Variants in NLGN2 observed in about 807,000 individuals in gnomAD.
NLGN2 encodes neuroligin 2.
In NLGN2, 11 loss-of-function variants were observed where a neutral mutation model predicts 48.6. The ratio of observed to expected loss-of-function variants is 0.23; its 90% confidence interval spans 0.14 to 0.37. The LOEUF is 0.37. NLGN2 is among the 10% of genes least tolerant of loss of function. NLGN2 has a pLI of 1.00. For missense variants in NLGN2, 801 were observed against 1,225.2 expected (o/e 0.65, Z 5.17); for synonymous variants, 548 against 550.0 (o/e 1.00, Z 0.05).
rs753203366 is a variant in NLGN2 at position 7,416,110 on chromosome 17, G to A, written c.1634+3G>A. The A allele has an allele frequency of 3.3e-6, 5 of 1,525,592 alleles. No individual in the cohort carries two copies. In the African/African-American group the frequency reaches 4.1e-5, roughly 13 times the overall value. The allele number at this position is 1,525,592 out of a possible 1,614,324, so 94.5% of individuals were successfully genotyped here. A position where few individuals can be genotyped will look rare whatever the true frequency, so the allele number is the denominator to read the frequency against. Reference sequence around the variant, plus strand: ...TGGACCAACTTCGCCAAGACTGGGTGAGGGCCAGAGGGGCTGGGCGGGGCT... The same window carrying A: ...TGGACCAACTTCGCCAAGACTGGGTAAGGGCCAGAGGGGCTGGGCGGGGCT... On this transcript the variant is annotated splice_donor_region_variant and intron_variant, in intron 6 of 6. Transcript: ENST00000302926.
chr17:7,414,360 G>A lies in NLGN2; in HGVS notation c.525G>A (p.Gly175=), dbSNP rs775285637. The A allele has an allele frequency of 3.1e-6, 5 of 1,614,160 alleles. No individual in the cohort carries two copies. The highest frequency in any genetic ancestry group is 4.2e-6 in the Non-Finnish European group (5 of 1,180,010). ...NPPDTDIRDP[G]KKPVMLFLHG... is the part of the protein sequence containing the mutation. ...CCCACACAGATATCCGTGACCCTGGGAAGAAGCCTGTGATGCTGTTTCTCC... is the reference window on the plus strand; with the variant it reads ...CCCACACAGATATCCGTGACCCTGGAAAGAAGCCTGTGATGCTGTTTCTCC... Residue 175 remains glycine, a synonymous_variant, in exon 3 of 7, where the codon GGG becomes GGA. Transcript: ENST00000302926.
Position 7,417,491 on chromosome 17 carries a change from C to G in NLGN2, c.2200C>G (p.Arg734Gly), listed in dbSNP as rs761975258. ...GGGPLLPAAG[R>G]ELPPEEELVS... ...GGGCCCCCTGCTCCCCGCCGCGGGC[C>G]GTGAGCTGCCACCAGAGGAGGAGCT... The change falls in exon 7 of 7, where the codon CGT (arginine) becomes GGT (glycine). Residue 734 changes from arginine to glycine, a missense_variant. Around this residue, in one of 5 missense-constraint regions of NLGN2, gnomAD observed 276 missense variants for 313.9 expected, o/e 0.88. Transcript: ENST00000302926. 3 of 1,525,836 alleles carry G rather than the reference C, an allele frequency of 2.0e-6. No homozygotes were observed. Among genetic ancestry groups the G allele is most frequent in the African/African-American group, 1.4e-5 (1 of 71,442 alleles). The allele number at this position is 1,525,836 out of a possible 1,614,324, so 94.5% of individuals were successfully genotyped here. A position where few individuals can be genotyped will look rare whatever the true frequency, so the allele number is the denominator to read the frequency against.
rs574218657 is a variant in NLGN2 at position 7,411,415 on chromosome 17, C to T, written c.458-742C>T. The stretch of plus-strand genomic sequence containing the variant: ...GACCCCCTTCCCTGCTTTGCCCACA[C>T]TGGGGAGCTGGGGTGAGAAGCCAGG... On this transcript the variant is annotated intron_variant, in intron 1 of 6. Coordinates refer to ENST00000302926, the MANE Select transcript of NLGN2 (RefSeq NM_020795.4). This position sits in a 1 kb window ranked among gnomAD's most constrained non-coding sequence, Gnocchi z 4.5. 9.2e-5 allele frequency among the ~76,000 whole-genome samples: 14 copies of T among 152,296 alleles called. No individual in the cohort carries two copies. Among genetic ancestry groups the T allele is most frequent in the Non-Finnish European group, 1.9e-4 (13 of 68,034 alleles).
In NLGN2 at chr17:7,407,871, T is replaced by C. The variant is rs1567658845; in HGVS notation, c.-385T>C. 6.3e-6 allele frequency: 1 copy of C among 159,522 alleles called. No individual in the cohort carries two copies. Among genetic ancestry groups the C allele is most frequent in the African/African-American group, 2.4e-5 (1 of 41,652 alleles). The allele number at this position is 159,522 out of a possible 1,614,324, so 9.9% of individuals were successfully genotyped here. On this transcript the variant is annotated 5_prime_UTR_variant, in exon 1 of 7. Transcript: ENST00000302926. ...CAACTTGGTCTGAATTCCAGGTCAC[T>C]AACCACTTGTCTCTTCTGTTTCCCC...
In NLGN2 at chr17:7,411,888, C is replaced by G. The variant is rs540111502; in HGVS notation, c.458-269C>G. ...TAAGACAGGCCTCAGCCCACTCAGG[C>G]ACCCCACCCCCCCAAAACCAGCCTT... is the stretch of plus-strand genomic sequence containing the variant. On this transcript the variant is annotated intron_variant, in intron 1 of 6. Coordinates refer to ENST00000302926, the MANE Select transcript of NLGN2 (RefSeq NM_020795.4). The surrounding 1 kb of genome is among the most constrained non-coding windows in gnomAD (Gnocchi z 4.5). 3.3e-5 allele frequency among the ~76,000 whole-genome samples: 5 copies of G among 152,206 alleles called. No individual in the cohort carries two copies. Among genetic ancestry groups the G allele is most frequent in the African/African-American group, 1.2e-4 (5 of 41,530 alleles).
In NLGN2 at chr17:7,414,832, C is replaced by T. The variant is rs1266287034; in HGVS notation, c.828C>T (p.Leu276=). The T allele has an allele frequency of 8.1e-6, 13 of 1,614,196 alleles. No homozygotes were observed. The highest frequency in any genetic ancestry group is 1.1e-5 in the South Asian group (1 of 91,082). The change falls in exon 4 of 7, where the codon CTC becomes CTT. Residue 276 remains leucine, a synonymous_variant. Coordinates refer to ENST00000302926, the MANE Select transcript of NLGN2 (RefSeq NM_020795.4). ...AGASCVNLLI[L]SHHSEGLFQK... is the part of the protein sequence containing the mutation. ...CCTCCTGCGTCAACCTTCTGATCCT[C>T]TCCCACCATTCAGAAGGTACCAGCA...
chr17:7,408,696 C>G lies in NLGN2; in HGVS notation c.441C>G (p.Tyr147Ter). 1 of 1,613,128 alleles carries G rather than the reference C, an allele frequency of 6.2e-7. No individual in the cohort carries two copies. The highest frequency in any genetic ancestry group is 8.5e-7 in the Non-Finnish European group (1 of 1,179,776). ...AGGACTGCCTGTACCTCAACCTCTA[C>G]GTGCCCACCGAGGACGGTAAGGGCG... The part of the protein sequence containing the change: ...QSEDCLYLNL[Y>*]VPTEDGPLTK... The change falls in exon 1 of 7, where the codon TAC becomes TAG. Residue 147 changes from tyrosine to a stop codon, truncating the protein, a stop_gained. Coordinates refer to ENST00000302926, the MANE Select transcript of NLGN2 (RefSeq NM_020795.4). LOFTEE classifies it high-confidence loss of function. The surrounding 1 kb of genome is among the most constrained non-coding windows in gnomAD (Gnocchi z 7.5).
intron 1 of NLGN2, among the ~76,000 whole-genome samples, chr17:7,409,741 T>G (rs1159357754): frequency 6.6e-6 from 1 of 152,070 alleles, no homozygotes; most frequent in Non-Finnish European, 1.5e-5. Flanking sequence ...CCACGGCATG[T>G]GCTCAAGTCC....
At chr17:7,407,278 A>G (rs557733673), upstream of NLGN2, among the ~76,000 whole-genome samples, 4 of 152,222 alleles carry the variant, frequency 2.6e-5, no homozygotes, top group East Asian at 7.7e-4. Flanking sequence ...CTGCAGGATC[A>G]CGCATCTGTC....
chr17:7,409,854 A>G (rs1737210083), intron 1 of NLGN2, among the ~76,000 whole-genome samples: 1 of 152,148 alleles, frequency 6.6e-6, no homozygotes, highest in Non-Finnish European at 1.5e-5. Context: ...AATTCCCAGT[A>G]CTTTCATATC....
Position 7,408,076 on chromosome 17 carries a change from G to T in NLGN2, c.-180G>T. 2.7e-6 allele frequency: 1 copy of T among 374,998 alleles called. No individual in the cohort carries two copies. Among genetic ancestry groups the T allele is most frequent in the African/African-American group, 2.2e-5 (1 of 46,178 alleles). The allele number at this position is 374,998 out of a possible 1,614,324, so 23.2% of individuals were successfully genotyped here. On this transcript the variant is annotated 5_prime_UTR_variant, in exon 1 of 7. Transcript: ENST00000302926. This position sits in a 1 kb window ranked among gnomAD's most constrained non-coding sequence, Gnocchi z 7.5. ...CCCCACCCCGTGCCCCCTCCATGGAGAGGAACAGACCCCTTCTCTGTCCAG... is the reference window on the plus strand; with the variant it reads ...CCCCACCCCGTGCCCCCTCCATGGATAGGAACAGACCCCTTCTCTGTCCAG...
At chr17:7,410,545 T>A (rs1906839754) in intron 1 of NLGN2, among the ~76,000 whole-genome samples, 2 of 151,976 alleles carry the variant, frequency 1.3e-5, no homozygotes, top group South Asian at 4.2e-4. Flanking sequence ...CAGCACTCCC[T>A]ACTCTCACAC....
In NLGN2 at chr17:7,408,589, G is replaced by C. The variant is rs1264101304; in HGVS notation, c.334G>C (p.Gly112Arg). The change falls in exon 1 of 7, where the codon GGG becomes CGG. Residue 112 changes from glycine (G) to arginine (R), a missense_variant. Around this residue, in one of 5 missense-constraint regions of NLGN2, gnomAD observed 164 missense variants for 186.2 expected, o/e 0.88. Transcript: ENST00000302926. The surrounding 1 kb of genome is among the most constrained non-coding windows in gnomAD (Gnocchi z 7.5). The stretch of plus-strand genomic sequence containing the variant: ...GCCCGCCTGCCCGCAGAACCTGCAC[G>C]GGGCGCTGCCCGCCATCATGCTGCC... Reference protein sequence around the residue: ...LPPACPQNLHGALPAIMLPVW... With the variant: ...LPPACPQNLHRALPAIMLPVW... 3.8e-6 allele frequency: 6 copies of C among 1,574,964 alleles called. No individual in the cohort carries two copies. The highest frequency in any genetic ancestry group is 2.7e-5 in the African/African-American group (2 of 73,784).
rs1906715167 is a variant in NLGN2 at position 7,408,047 on chromosome 17, C to G, written c.-209C>G. On this transcript the variant is annotated 5_prime_UTR_variant, in exon 1 of 7. Transcript: ENST00000302926. The surrounding 1 kb of genome is among the most constrained non-coding windows in gnomAD (Gnocchi z 7.5). ...CCTTCACCTTCTCCCATTTCCTTCC[C>G]CTTCCCCACCCCGTGCCCCCTCCAT... is the stretch of plus-strand genomic sequence containing the variant. 1 of 352,928 alleles carries G rather than the reference C, an allele frequency of 2.8e-6. No homozygotes were observed. The highest frequency in any genetic ancestry group is 4.8e-5 in the Admixed American group (1 of 20,634). The allele number at this position is 352,928 out of a possible 1,614,324, so 21.9% of individuals were successfully genotyped here.
rs1358118573 is a variant in NLGN2, at chr17:7,417,662, C to T, written c.2371C>T (p.Leu791=). The T allele has an allele frequency of 7.2e-7, 1 of 1,393,208 alleles. No individual in the cohort carries two copies. 86.3% of individuals were successfully genotyped at this position (1,393,208 alleles called of 1,614,324 possible). Residue 791 remains leucine, a synonymous_variant, in exon 7 of 7, where the codon CTG becomes TTG. Coordinates refer to ENST00000302926, the MANE Select transcript of NLGN2 (RefSeq NM_020795.4). Reference sequence around the variant, plus strand: ...CTTGGCCCCCGGGGCCCTGACCCTGCTGCCCAGTGGCCTGGGGCCACCGCC... The same window carrying T: ...CTTGGCCCCCGGGGCCCTGACCCTGTTGCCCAGTGGCCTGGGGCCACCGCC... ...PLLAPGALTL[L]PSGLGPPPPP...
At position 7,414,330 on chromosome 17, in the gene NLGN2, CCCT is replaced by C; in HGVS notation, c.509-11_509-9del. On this transcript the variant is annotated splice_polypyrimidine_tract_variant and intron_variant, in intron 2 of 6. Coordinates refer to ENST00000302926, the MANE Select transcript of NLGN2 (RefSeq NM_020795.4). ...CTGACCCCCTGGCCCACCTGCCCAC[CCCT>C]CCCCACACAGATATCCGTGACCCTG... is the stretch of plus-strand genomic sequence containing the variant. The C allele has an allele frequency of 6.2e-7, 1 of 1,609,938 alleles. No individual in the cohort carries two copies. The highest frequency in any genetic ancestry group is 8.5e-7 in the Non-Finnish European group (1 of 1,176,688).
intron 5 of NLGN2, 115 bp from the exon 6 acceptor site, chr17:7,415,396 A>T: frequency 9.4e-7 from 1 of 1,060,802 alleles, no homozygotes; most frequent in Non-Finnish European, 1.4e-6. Flanking sequence ...GAGGATTTCA[A>T]GTAGGGAAGA....
chr17:7,414,479 G>A lies in NLGN2; in HGVS notation c.644G>A (p.Arg215His), dbSNP rs1230599095. The change falls in exon 3 of 7, where the codon CGT becomes CAT. Residue 215 changes from arginine to histidine, a missense_variant. Arg to His is a conservative substitution (Grantham distance 29, BLOSUM62 0). Transcript: ENST00000302926. ...GTCATTGTAGCCACGCTCAACTACCGTCTTGGGGTGCTCGGTGAGGGTGGG... is the reference window on the plus strand; with the variant it reads ...GTCATTGTAGCCACGCTCAACTACCATCTTGGGGTGCTCGGTGAGGGTGGG... ...GNVIVATLNY[R>H]LGVLGFLSTG... The A allele has an allele frequency of 6.2e-7, 1 of 1,613,154 alleles. No individual in the cohort carries two copies. Among genetic ancestry groups the A allele is most frequent in the Non-Finnish European group, 8.5e-7 (1 of 1,179,152 alleles).
rs985082095 is a variant in NLGN2, at chr17:7,418,019, T to C, written c.*220T>C. 26 of 357,064 alleles carry C rather than the reference T, an allele frequency of 7.3e-5. No individual in the cohort carries two copies. Among genetic ancestry groups the C allele is most frequent in the Non-Finnish European group, 1.3e-4 (26 of 200,622 alleles). The allele number at this position is 357,064 out of a possible 1,614,324, so 22.1% of individuals were successfully genotyped here. ...TGGGCCTTTGAACAACTGGGGGGCG[T>C]TTTCTCCCCCCCATTGGGACACCAG... On this transcript the variant is annotated 3_prime_UTR_variant, in exon 7 of 7. Transcript: ENST00000302926.
Sources: allele counts gnomAD v4.1 joint callset (sites outside exome capture counted in the v4.1 genomes callset), GRCh38; gene constraint gnomAD v4.1.1; regional missense constraint gnomAD v4.1.1; non-coding constraint Gnocchi (gnomAD v3.1); transcripts MANE v1.5; gene names NCBI Gene and HGNC (gene_info 2026-07-23, HGNC 2026-07-21).